LRRTM4: variants seen among roughly 807,000 people sequenced by gnomAD.
LRRTM4 encodes the protein leucine rich repeat transmembrane neuronal 4.
LRRTM4 carries 25 observed loss-of-function variants against 47.6 expected under a neutral mutation model. The ratio of observed to expected loss-of-function variants is 0.53; its 90% CI spans 0.38 to 0.73. The LOEUF is 0.73. LRRTM4 is among the 30% of genes least tolerant of loss of function. The pLI is 0.00. For synonymous variants in LRRTM4, 311 were observed against 269.5 expected (o/e 1.15, Z -1.51); for missense variants, 638 against 713.4 (o/e 0.89, Z 1.20).
At chr2:76,821,140 T>C (rs1338489225) in intron 3 of LRRTM4, among the ~76,000 whole-genome samples, 8 of 151,566 alleles carry the variant, frequency 5.3e-5, no homozygotes, top group Non-Finnish European at 1.0e-4. Flanking sequence ...GTGACCAGGT[T>C]AAGAAAAAAA....
chr2:77,123,655 A>T (rs1033304410), intron 3 of LRRTM4, among the ~76,000 whole-genome samples: 4 of 152,094 alleles, frequency 2.6e-5, no homozygotes, highest in African/African-American at 9.7e-5. Context: ...CTCTTTTAAA[A>T]ATTCTTAATT....
Position 77,518,728 on chromosome 2 carries a change from G to T in LRRTM4, c.1141C>A (p.Pro381Thr). Reference protein sequence around the residue: ...SHLVPQTPQKPLIIPRPTIFK... With the variant: ...SHLVPQTPQKTLIIPRPTIFK... Reference sequence around the variant, plus strand: ...ATGGTAGGTCTAGGGATAATCAGAGGTTTCTGGGGAGTTTGGGGCACCAGG... The same window carrying T: ...ATGGTAGGTCTAGGGATAATCAGAGTTTTCTGGGGAGTTTGGGGCACCAGG... Residue 381 changes from proline to threonine, a missense_variant, in exon 3 of 4, where the codon CCT (proline) becomes ACT (threonine). Pro to Thr is a conservative substitution (Grantham distance 38, BLOSUM62 -1). Coordinates refer to ENST00000409884, the MANE Select transcript of LRRTM4 (RefSeq NM_001134745.3). 4.3e-6 allele frequency: 7 copies of T among 1,613,480 alleles called. No homozygotes were observed. Among genetic ancestry groups the T allele is most frequent in the Non-Finnish European group, 5.9e-6 (7 of 1,179,694 alleles).
At chr2:77,132,626 G>A (rs140306597) in intron 3 of LRRTM4, among the ~76,000 whole-genome samples, 42 of 152,286 alleles carry the variant, frequency 2.8e-4, no homozygotes, top group African/African-American at 8.9e-4. Flanking sequence ...GAGGGGACAC[G>A]TGCTGTGTCC....
chr2:77,022,869 T>C (rs1032356525), intron 3 of LRRTM4, among the ~76,000 whole-genome samples: 1 of 152,120 alleles, frequency 6.6e-6, no homozygotes, highest in Non-Finnish European at 1.5e-5. Context: ...GGATCTACGA[T>C]TCTGGGGTCT....
chr2:77,156,287 A>C lies in LRRTM4; in HGVS notation c.1551+362031T>G, dbSNP rs1330528875. ...ATAAGAATTTAAAATAATTAAAGAA[A>C]TATATGTAAAACAACAAACATAAGT... is the stretch of plus-strand genomic sequence containing the variant. On this transcript the variant is annotated intron_variant, in intron 3 of 3. Coordinates refer to ENST00000409884, the MANE Select transcript of LRRTM4 (RefSeq NM_001134745.3). Among the ~76,000 whole-genome samples, 6 of 151,224 alleles carry C rather than the reference A, an allele frequency of 4.0e-5. No individual in the cohort carries two copies. The Admixed American group carries it at 4.0e-4, about 10-fold the overall frequency.
intron 3 of LRRTM4, among the ~76,000 whole-genome samples, chr2:77,409,497 C>T (rs1674338878): frequency 6.6e-6 from 1 of 152,176 alleles, no homozygotes; most frequent in Non-Finnish European, 1.5e-5. Flanking sequence ...TTAATGTCCC[C>T]ATCTTTTAAT....
intron 3 of LRRTM4, among the ~76,000 whole-genome samples, chr2:77,501,787 C>T (rs11686224): frequency 0.56 from 85,149 of 150,810 alleles, 24,453 homozygotes; most frequent in Middle Eastern, 0.66. Context: ...AATAAAATTA[C>T]GAACAAGCAA....
intron 3 of LRRTM4, among the ~76,000 whole-genome samples, chr2:77,311,386 A>C (rs1369796611): frequency 6.6e-6 from 1 of 152,178 alleles, no homozygotes; most frequent in Non-Finnish European, 1.5e-5. Context: ...ATGAATGTTG[A>C]TGTGGGAGAA....
At chr2:77,173,975 C>T (rs924542583) in intron 3 of LRRTM4, among the ~76,000 whole-genome samples, 3 of 152,304 alleles carry the variant, frequency 2.0e-5, no homozygotes, top group African/African-American at 7.2e-5. Flanking sequence ...ACTTAGAAGA[C>T]ATATCTTAAT....
At chr2:76,887,517 CAT>C (rs1226137826) in intron 3 of LRRTM4, among the ~76,000 whole-genome samples, 1 of 139,082 alleles carries the variant, frequency 7.2e-6, no homozygotes. Context: ...ATATATATAT[CAT>C]ATATGTGATT....
intron 3 of LRRTM4, among the ~76,000 whole-genome samples, chr2:76,854,575 A>T (rs1672091627): frequency 6.6e-6 from 1 of 152,214 alleles, no homozygotes; most frequent in Non-Finnish European, 1.5e-5. Context: ...AGCATTTGCC[A>T]ATTTTAATGT....
chr2:76,776,547 A>G (rs1022728468), intron 3 of LRRTM4, among the ~76,000 whole-genome samples: 6 of 152,240 alleles, frequency 3.9e-5, no homozygotes, highest in African/African-American at 1.2e-4. Flanking sequence ...TTGGCTGCAT[A>G]AATGTCTTCT....
At chr2:77,438,315 T>G (rs537451706) in intron 3 of LRRTM4, among the ~76,000 whole-genome samples, 1 of 152,110 alleles carries the variant, frequency 6.6e-6, no homozygotes, top group Non-Finnish European at 1.5e-5. Context: ...AATCATATTT[T>G]GTGAAGAGGG....
intron 3 of LRRTM4, among the ~76,000 whole-genome samples, chr2:77,244,490 C>T (rs533400470): frequency 2.0e-4 from 30 of 151,872 alleles, no homozygotes; most frequent in African/African-American, 6.8e-4. Flanking sequence ...AATTTTGCAC[C>T]AGAAGAATGG....
At chr2:76,951,806 A>T (rs759217104) in intron 3 of LRRTM4, among the ~76,000 whole-genome samples, 11 of 144,220 alleles carry the variant, frequency 7.6e-5, no homozygotes, top group Non-Finnish European at 1.4e-4. Context: ...GACAGGCCCC[A>T]GTGTGTGATG....
At chr2:76,809,947 C>T (rs576552164) in intron 3 of LRRTM4, among the ~76,000 whole-genome samples, 1 of 152,280 alleles carries the variant, frequency 6.6e-6, no homozygotes, top group African/African-American at 2.4e-5. Context: ...TCATAGACTC[C>T]TGCCCTGACC....
At chr2:77,245,263 A>T (rs1047602044) in intron 3 of LRRTM4, among the ~76,000 whole-genome samples, 7 of 152,038 alleles carry the variant, frequency 4.6e-5, no homozygotes, top group Admixed American at 3.3e-4. Context: ...ACTGATGTTC[A>T]TGGCCAGGCC....
intron 3 of LRRTM4, among the ~76,000 whole-genome samples, chr2:77,480,882 G>T (rs751192078): frequency 1.5e-5 from 2 of 137,408 alleles, no homozygotes; most frequent in Non-Finnish European, 3.2e-5. Flanking sequence ...CTCTCATGCA[G>T]GATTTTCTCT....
chr2:77,457,672 G>A (rs1481231281), intron 3 of LRRTM4, among the ~76,000 whole-genome samples: 1 of 151,960 alleles, frequency 6.6e-6, no homozygotes, highest in Admixed American at 6.6e-5. Context: ...ATAATTCCCT[G>A]ATTTCCTCTT....
Sources: gnomAD v4.1 joint callset for allele counts (sites outside exome capture counted in the v4.1 genomes callset) on GRCh38, gnomAD v4.1.1 for gene constraint, MANE v1.5 for transcripts, NCBI Gene and HGNC (gene_info 2026-07-23, HGNC 2026-07-21) for gene names.